Variants in CNTN4 observed in about 807,000 individuals in gnomAD.
CNTN4 encodes contactin 4.
Under a neutral mutation model 122.5 loss-of-function variants are expected in CNTN4, and 77 were observed. The ratio of observed to expected loss-of-function variants is 0.63; its 90% CI spans 0.52 to 0.76. The LOEUF is 0.76. Ranked by LOEUF, CNTN4 falls within the 30% of genes least tolerant of loss-of-function variation. CNTN4 has a pLI of 0.00. For missense variants in CNTN4, 1,256 were observed against 1,259.1 expected (o/e 1.00, Z 0.04); for synonymous variants, 512 against 447.0 (o/e 1.15, Z -1.83).
intron 4 of CNTN4, among the ~76,000 whole-genome samples, chr3:2,575,915 G>A (rs994330116): frequency 7.0e-6 from 1 of 143,242 alleles, no homozygotes; most frequent in Non-Finnish European, 1.5e-5. Context: ...TCCACCTATC[G>A]GGTCCACACC....
intron 3 of CNTN4, among the ~76,000 whole-genome samples, chr3:2,501,069 G>A (rs948940672): frequency 1.3e-5 from 2 of 152,048 alleles, no homozygotes; most frequent in Middle Eastern, 3.2e-3. Flanking sequence ...GTTAATACTT[G>A]AAACTTCTGT....
At chr3:2,267,543 A>G (rs1043180280) in intron 2 of CNTN4, among the ~76,000 whole-genome samples, 1 of 152,120 alleles carries the variant, frequency 6.6e-6, no homozygotes, top group Non-Finnish European at 1.5e-5. Flanking sequence ...CATGACAATC[A>G]TATCTCATCT....
chr3:2,621,215 T>C (rs2081976632), intron 4 of CNTN4, among the ~76,000 whole-genome samples: 1 of 152,174 alleles, frequency 6.6e-6, no homozygotes, highest in Admixed American at 6.5e-5. Context: ...TATATGAAAG[T>C]ATAACATGCA....
chr3:2,615,248 A>C (rs574971116), intron 4 of CNTN4, among the ~76,000 whole-genome samples: 1 of 152,338 alleles, frequency 6.6e-6, no homozygotes, highest in African/African-American at 2.4e-5. Flanking sequence ...CATTTATAAC[A>C]GGGTATTGCA....
chr3:2,243,020 A>G (rs151189263), intron 2 of CNTN4, among the ~76,000 whole-genome samples: 1 of 152,120 alleles, frequency 6.6e-6, no homozygotes, highest in Non-Finnish European at 1.5e-5. Flanking sequence ...GGTATGCAGA[A>G]TCTGGTGCAA....
intron 13 of CNTN4, among the ~76,000 whole-genome samples, chr3:2,972,595 G>A (rs1459374519): frequency 2.0e-5 from 3 of 152,242 alleles, no homozygotes; most frequent in East Asian, 3.9e-4. Flanking sequence ...GGTTATCAGT[G>A]TTTTCAGAAC....
chr3:2,239,847 G>C (rs2039861861), intron 2 of CNTN4, among the ~76,000 whole-genome samples: 1 of 152,136 alleles, frequency 6.6e-6, no homozygotes, highest in Non-Finnish European at 1.5e-5. Flanking sequence ...ACAGATCTAG[G>C]AAGGAAGGCT....
At chr3:2,211,897 A>C (rs149050137) in intron 2 of CNTN4, among the ~76,000 whole-genome samples, 59 of 152,328 alleles carry the variant, frequency 3.9e-4, no homozygotes, top group Non-Finnish European at 4.0e-4. Flanking sequence ...TTTTCCCTAC[A>C]TTAATTTCTG....
At chr3:2,824,486 A>C (rs2092945411) in intron 7 of CNTN4, among the ~76,000 whole-genome samples, 1 of 151,728 alleles carries the variant, frequency 6.6e-6, no homozygotes, top group Non-Finnish European at 1.5e-5. Flanking sequence ...ACAAAAACAA[A>C]ACTGTAGCTG....
At chr3:2,423,988 G>A (rs186619793) in intron 3 of CNTN4, among the ~76,000 whole-genome samples, 84 of 131,086 alleles carry the variant, frequency 6.4e-4, no homozygotes, top group Non-Finnish European at 9.6e-4. Context: ...TGTAAATGAC[G>A]AGTTAATGGG....
chr3:2,406,310 C>T (rs1481258838), intron 3 of CNTN4, among the ~76,000 whole-genome samples: 1 of 152,182 alleles, frequency 6.6e-6, no homozygotes, highest in Admixed American at 6.5e-5. Flanking sequence ...GAGAAGGGCA[C>T]ATCAGTTCTG....
At chr3:2,930,465 G>A (rs2094510019) in intron 13 of CNTN4, among the ~76,000 whole-genome samples, 1 of 152,174 alleles carries the variant, frequency 6.6e-6, no homozygotes, top group Admixed American at 6.5e-5. Flanking sequence ...AAAAATCACT[G>A]AGACAAAATA....
intron 3 of CNTN4, among the ~76,000 whole-genome samples, chr3:2,403,147 C>G (rs1248115132): frequency 6.6e-6 from 1 of 152,032 alleles, no homozygotes; most frequent in Non-Finnish European, 1.5e-5. Flanking sequence ...AACCTTCTCT[C>G]TATATACTAG....
chr3:3,018,340 A>G (rs1344035295), intron 14 of CNTN4, among the ~76,000 whole-genome samples: 1 of 152,202 alleles, frequency 6.6e-6, no homozygotes, highest in Non-Finnish European at 1.5e-5. Context: ...TAATTTTTAA[A>G]TGGCATATGC....
intron 3 of CNTN4, among the ~76,000 whole-genome samples, chr3:2,413,384 G>A (rs746208204): frequency 1.9e-4 from 29 of 152,170 alleles, no homozygotes; most frequent in Non-Finnish European, 4.3e-4. Context: ...TGTTCTTGAA[G>A]CATTAAGCCT....
In CNTN4 at chr3:2,880,633, A is replaced by G. The variant is rs186631970; in HGVS notation, c.653-2512A>G. Among the ~76,000 whole-genome samples the G allele has an allele frequency of 1.7e-3, 259 of 152,380 alleles. 1 individual carries two copies. Among genetic ancestry groups the G allele is most frequent in the African/African-American group, 6.0e-3 (248 of 41,592 alleles). On this transcript the variant is annotated intron_variant, in intron 8 of 24. Transcript: ENST00000418658. ...CAAGAGAACTCAGACAGCAGAGGCT[A>G]GCCCAGAAAGGAGGAATAATTTTGT...
intron 4 of CNTN4, among the ~76,000 whole-genome samples, chr3:2,690,728 A>C (rs2085689953): frequency 6.6e-6 from 1 of 152,204 alleles, no homozygotes; most frequent in African/African-American, 2.4e-5. Context: ...GAAAGACTTC[A>C]GCTGTAAAAA....
intron 5 of CNTN4, among the ~76,000 whole-genome samples, chr3:2,738,111 T>A (rs182652536): frequency 5.3e-5 from 8 of 152,222 alleles, no homozygotes; most frequent in Non-Finnish European, 7.4e-5. Flanking sequence ...CTAAGAATTT[T>A]CCAAACTAAT....
intron 3 of CNTN4, among the ~76,000 whole-genome samples, chr3:2,348,874 T>C (rs1007899921): frequency 2.6e-5 from 4 of 152,224 alleles, no homozygotes; most frequent in African/African-American, 9.6e-5. Flanking sequence ...TTGTGTCATG[T>C]TAGACAAGTC....
Sources: gnomAD v4.1 joint callset for allele counts (sites outside exome capture counted in the v4.1 genomes callset) on GRCh38, gnomAD v4.1.1 for gene constraint, MANE v1.5 for transcripts, NCBI Gene and HGNC (gene_info 2026-07-23, HGNC 2026-07-21) for gene names.